The following SULT6B1 variants were observed in gnomAD, a reference collection of about 807,000 sequenced individuals.
SULT6B1 encodes sulfotransferase 6B1.
SULT6B1 carries 44 observed loss-of-function variants against 37.2 expected under a neutral mutation model. The observed-to-expected ratio is 1.18, with a 90% CI of 0.93 to 1.52. The LOEUF (loss-of-function observed/expected upper bound fraction) is 1.52, where lower values mean the gene tolerates loss of function less well. Ranked by LOEUF, SULT6B1 falls within the 40% of genes most tolerant of loss-of-function variation. SULT6B1 has a pLI of 0.00. For missense variants in SULT6B1, 450 were observed against 361.0 expected, an observed-to-expected ratio of 1.25 and a Z score of -2.00; for synonymous variants, 140 against 126.0, an observed-to-expected ratio of 1.11 and a Z score of -0.74.
At chr2:37,168,367 A>G (rs546023600) in intron 6 of SULT6B1, among the ~76,000 whole-genome samples, 2 of 152,162 alleles carry the variant, frequency 1.3e-5, no homozygotes, top group African/African-American at 2.4e-5. Flanking sequence ...AATGCTGGCC[A>G]GGCTTGTCTC....
chr2:37,171,608 T>C lies in SULT6B1; in HGVS notation c.625-18A>G. ...GCCAGATTCTGTAAAAAAATTTTCT[T>C]AAAGATAAATTTCTTCCTATGGAAA... On this transcript the variant is annotated intron_variant, in intron 5 of 6. Transcript: ENST00000535679. The C allele has an allele frequency of 6.2e-7, 1 of 1,608,706 alleles. No individual in the cohort carries two copies. The highest frequency in any genetic ancestry group is 8.5e-7 in the Non-Finnish European group (1 of 1,177,656).
rs745817815 is a variant in SULT6B1 at position 37,171,491 on chromosome 2, T to C, written c.724A>G (p.Met242Val). 8.1e-6 allele frequency: 13 copies of C among 1,614,072 alleles called. No homozygotes were observed. In the Admixed American group the frequency reaches 2.0e-4, roughly 25 times the overall value. ...TISVQSTFQA[M>V]RAKSQDTHGA... ...TGTGTGTCCTGAGACTTCGCACGCA[T>C]GGCTTGGAAGGTGCTCTGGACTGAG... The change falls in exon 6 of 7, where the codon ATG becomes GTG. Residue 242 changes from methionine to valine, a missense_variant. Met to Val is a conservative substitution (Grantham distance 21). Coordinates refer to ENST00000535679, the MANE Select transcript of SULT6B1 (RefSeq NM_001367551.1).
intron 4 of SULT6B1, among the ~76,000 whole-genome samples, chr2:37,178,324 G>A (rs899591657): frequency 7.2e-5 from 11 of 151,900 alleles, no homozygotes; most frequent in Admixed American, 2.0e-4. Context: ...TGCAACTTCC[G>A]CCTCCTGTTC....
intron 6 of SULT6B1, among the ~76,000 whole-genome samples, chr2:37,171,109 C>T (rs879705941): frequency 2.6e-5 from 4 of 152,144 alleles, no homozygotes; most frequent in East Asian, 1.9e-4. Context: ...TGTGGTGGCA[C>T]GCGCCTGTTA....
At chr2:37,188,193 T>A (rs1303115013) in intron 1 of SULT6B1, among the ~76,000 whole-genome samples, 2 of 152,092 alleles carry the variant, frequency 1.3e-5, no homozygotes, top group Non-Finnish European at 2.9e-5. Flanking sequence ...ATCCACCCCC[T>A]TCTGCCCTCC....
At chr2:37,169,763 G>A (rs375353395) in intron 6 of SULT6B1, among the ~76,000 whole-genome samples, 3 of 152,250 alleles carry the variant, frequency 2.0e-5, no homozygotes, top group East Asian at 1.9e-4. Flanking sequence ...AAAGTGCTGG[G>A]ATTACAGGCA....
At chr2:37,188,267 C>A (rs151332717) in intron 1 of SULT6B1, among the ~76,000 whole-genome samples, 175 bp downstream of exon 1, 32 of 152,234 alleles carry the variant, frequency 2.1e-4, no homozygotes, top group African/African-American at 7.2e-4. Flanking sequence ...TTTAATCTAG[C>A]AGTTCTATTT....
intron 3 of SULT6B1, among the ~76,000 whole-genome samples, chr2:37,181,324 A>C (rs1194996375): frequency 1.3e-5 from 2 of 152,180 alleles, no homozygotes; most frequent in Non-Finnish European, 2.9e-5. Context: ...TTGAGGGCTA[A>C]TTGGCTGGAG....
intron 4 of SULT6B1, among the ~76,000 whole-genome samples, chr2:37,178,940 G>T (rs999242194): frequency 2.0e-5 from 3 of 149,900 alleles, no homozygotes; most frequent in Non-Finnish European, 4.4e-5. Flanking sequence ...CATACGACTT[G>T]TCCAAATTAG....
At chr2:37,189,618 A>G (rs901165125), upstream of SULT6B1, among the ~76,000 whole-genome samples, 1 of 152,156 alleles carries the variant, frequency 6.6e-6, no homozygotes, top group East Asian at 1.9e-4. Flanking sequence ...AGCTGTACAC[A>G]TGCCCATCTG....
At chr2:37,194,329 C>G (rs536877572) in intron 1 of SULT6B1, 1 of 252,714 alleles carries the variant, frequency 4.0e-6, no homozygotes, top group Non-Finnish European at 7.7e-6. Context: ...ATCTGCCCAT[C>G]TTGGCCTCCC....
chr2:37,174,232 T>C (rs1353740975), intron 5 of SULT6B1, among the ~76,000 whole-genome samples: 1 of 131,854 alleles, frequency 7.6e-6, no homozygotes, highest in Non-Finnish European at 1.7e-5. Context: ...CTATTCTTTT[T>C]TTTTTTTTTT....
intron 2 of SULT6B1, among the ~76,000 whole-genome samples, chr2:37,186,681 C>T (rs527546429): frequency 5.3e-5 from 8 of 152,152 alleles, no homozygotes; most frequent in African/African-American, 1.9e-4. Flanking sequence ...CACTTGAGCC[C>T]AGGAGTTCAT....
At chr2:37,187,200 T>C (rs1014070789) in intron 2 of SULT6B1, among the ~76,000 whole-genome samples, 155 bp downstream of exon 2, 5 of 152,218 alleles carry the variant, frequency 3.3e-5, no homozygotes, top group Non-Finnish European at 7.3e-5. Context: ...GAAAATGAGA[T>C]GATACCTGAA....
intron 1 of SULT6B1, among the ~76,000 whole-genome samples, chr2:37,194,937 C>CAT (rs1676875776): frequency 5.7e-5 from 3 of 53,084 alleles, no homozygotes; most frequent in Admixed American, 2.2e-4. Context: ...TCCTTCCTTC[C>CAT]TTCCTTCCTT....
upstream of SULT6B1, among the ~76,000 whole-genome samples, chr2:37,189,469 G>A (rs1676739893): frequency 6.6e-6 from 1 of 152,194 alleles, no homozygotes; most frequent in Non-Finnish European, 1.5e-5. Flanking sequence ...AAGTACAAGT[G>A]CAAAATGTTT....
At position 37,172,378 on chromosome 2, in the gene SULT6B1, A is replaced by C. The variant is rs1184043836; in HGVS notation, c.625-788T>G. Among the ~76,000 whole-genome samples, 3 of 152,328 alleles carry C rather than the reference A, an allele frequency of 2.0e-5. No homozygotes were observed. The South Asian group carries it at 6.2e-4, about 32-fold the overall frequency. Reference sequence around the variant, plus strand: ...AACCTCCTCCCAAACCTCAAGAAATATTTATTAACAGCTGGGGCAACACTT... The same window carrying C: ...AACCTCCTCCCAAACCTCAAGAAATCTTTATTAACAGCTGGGGCAACACTT... On this transcript the variant is annotated intron_variant, in intron 5 of 6. Transcript: ENST00000535679.
chr2:37,168,043 A>G lies in SULT6B1; in HGVS notation c.804T>C (p.Asn268=), dbSNP rs544140257. 8 of 1,595,138 alleles carry G rather than the reference A, an allele frequency of 5.0e-6. No individual in the cohort carries two copies. Among genetic ancestry groups the G allele is most frequent in the Non-Finnish European group, 6.8e-6 (8 of 1,175,510 alleles). The part of the protein sequence containing the change: ...FRKGEVGDWK[N]LFSEIQNQEM... ...CCTGGTTCTGAATTTCACTGAACAAATTTTTCCAATCACCAACTTCACCTA... is the reference window on the plus strand; with the variant it reads ...CCTGGTTCTGAATTTCACTGAACAAGTTTTTCCAATCACCAACTTCACCTA... Residue 268 remains asparagine, a synonymous_variant, in exon 7 of 7, where the codon AAT becomes AAC. Coordinates refer to ENST00000535679, the MANE Select transcript of SULT6B1 (RefSeq NM_001367551.1).
chr2:37,193,740 C>G lies in SULT6B1; in HGVS notation c.-22+2776G>C, dbSNP rs547111578. On this transcript the variant is annotated intron_variant, in intron 1 of 7. Transcript: ENST00000407963. The stretch of plus-strand genomic sequence containing the variant: ...GAAGATGGGAGAATGGACAGCAAAC[C>G]TAGTACATATTTGTTAAAGTGGAGG... Among the ~76,000 whole-genome samples, 8 of 151,812 alleles carry G rather than the reference C, an allele frequency of 5.3e-5. No homozygotes were observed. The South Asian group carries it at 1.7e-3, about 31-fold the overall frequency.
Sources: gnomAD v4.1 joint callset for allele counts (sites outside exome capture counted in the v4.1 genomes callset) on GRCh38, gnomAD v4.1.1 for gene constraint, MANE v1.5 for transcripts, NCBI Gene and HGNC (gene_info 2026-07-23, HGNC 2026-07-21) for gene names.